The following DCHS1 variants were observed in gnomAD, a reference collection of about 807,000 sequenced individuals.
DCHS1 encodes protocadherin-16.
DCHS1 carries 78 observed loss-of-function variants against 213.9 expected under a neutral mutation model. The observed-to-expected ratio is 0.36, with a 90% confidence interval of 0.30 to 0.44. DCHS1 has a LOEUF of 0.44. Ranked by LOEUF, DCHS1 falls within the 20% of genes least tolerant of loss-of-function variation. The probability of loss-of-function intolerance (pLI) is 1.00; values close to 1 mark genes in which losing one functional copy is unlikely to be tolerated. For synonymous variants in DCHS1, 1,828 were observed against 1,873.7 expected (o/e 0.98, Z 0.63); for missense variants, 3,946 against 4,395.9 (o/e 0.90, Z 2.89).
Position 6,622,638 on chromosome 11 carries a change from G to A in DCHS1, c.9038C>T (p.Pro3013Leu), listed in dbSNP as rs1329238703. The A allele has an allele frequency of 6.3e-7, 1 of 1,588,588 alleles. No homozygotes were observed. The highest frequency in any genetic ancestry group is 8.6e-7 in the Non-Finnish European group (1 of 1,167,832). Residue 3013 changes from proline to leucine, a missense_variant, in exon 21 of 21, where the codon CCA becomes CTA. By Grantham distance (98) the Pro-to-Leu change is moderately conservative. This residue lies in a region of DCHS1 where 554 missense variants were observed against 590.2 expected (regional missense o/e 0.94). Coordinates refer to ENST00000299441, the MANE Select transcript of DCHS1 (RefSeq NM_003737.4). This position sits in a 1 kb window ranked among gnomAD's most constrained non-coding sequence, Gnocchi z 5.4. Reference protein sequence around the residue: ...YHQTLPSYGGPGAGGPYPRGG... With the variant: ...YHQTLPSYGGLGAGGPYPRGG... The stretch of plus-strand genomic sequence containing the variant: ...ACGGGGGTAGGGTCCTCCAGCTCCT[G>A]GCCCACCATAGCTGGGAAGAGTCTG...
Position 6,627,235 on chromosome 11 carries a change from G to T in DCHS1, c.5804C>A (p.Ala1935Glu). 9 of 1,613,054 alleles carry T rather than the reference G, an allele frequency of 5.6e-6. No individual in the cohort carries two copies. Among genetic ancestry groups the T allele is most frequent in the Non-Finnish European group, 7.6e-6 (9 of 1,179,850 alleles). The change falls in exon 14 of 21, where the codon GCA becomes GAA. Residue 1935 changes from alanine (A) to glutamate (E), a missense_variant. Ala to Glu is a moderately radical substitution (Grantham distance 107). Transcript: ENST00000299441. The surrounding 1 kb of genome is among the most constrained non-coding windows in gnomAD (Gnocchi z 5.4). Reference protein sequence around the residue: ...YTFSVSAVDGAAAGPLSTTVS... With the variant: ...YTFSVSAVDGEAAGPLSTTVS... ...TGTGGTGCTTAGGGGCCCAGCAGCT[G>T]CACCATCCACTGCACTCACAGAAAA...
Position 6,622,096 on chromosome 11 carries a change from G to A in DCHS1, c.9580C>T (p.Pro3194Ser). The change falls in exon 21 of 21, where the codon CCC becomes TCC. Residue 3194 changes from proline (P) to serine (S), a missense_variant. Around this residue, in one of 3 missense-constraint regions of DCHS1, gnomAD observed 554 missense variants for 590.2 expected, o/e 0.94. Transcript: ENST00000299441. The surrounding 1 kb of genome is among the most constrained non-coding windows in gnomAD (Gnocchi z 5.4). ...GGTGGGTCGATACGGGGAGCTGGGGGACATGGCCGAGCTTCATCCTTGAGC... is the reference window on the plus strand; with the variant it reads ...GGTGGGTCGATACGGGGAGCTGGGGAACATGGCCGAGCTTCATCCTTGAGC... ...ARLKDEARPC[P>S]PAPRIDPPPL... The A allele has an allele frequency of 6.2e-7, 1 of 1,613,218 alleles. No homozygotes were observed. Among genetic ancestry groups the A allele is most frequent in the Non-Finnish European group, 8.5e-7 (1 of 1,179,816 alleles).
chr11:6,627,574 T>C lies in DCHS1; in HGVS notation c.5465A>G (p.Gln1822Arg). The part of the protein sequence containing the change: ...PLDREVEPAF[Q>R]LRIEARDGGQ... ...TCCATCCCGGGCCTCTATCCTCAGC[T>C]GGAAAGCTGGCTCCACTTCTCTGTC... is the stretch of plus-strand genomic sequence containing the variant. The change falls in exon 14 of 21, where the codon CAG (glutamine) becomes CGG (arginine). Residue 1822 changes from glutamine to arginine, a missense_variant. Physicochemically the swap from Gln to Arg is conservative, Grantham distance 43. Transcript: ENST00000299441. The surrounding 1 kb of genome is among the most constrained non-coding windows in gnomAD (Gnocchi z 5.4). 2.5e-6 allele frequency: 4 copies of C among 1,612,942 alleles called. No individual in the cohort carries two copies. Among genetic ancestry groups the C allele is most frequent in the East Asian group, 2.2e-5 (1 of 44,880 alleles).
In DCHS1 at chr11:6,640,034, G is replaced by A. The variant is rs764080918; in HGVS notation, c.1580C>T (p.Ser527Leu). ...HTHWFSIDPT[S>L]GIITTAASLD... ...TGAGGCAGCCGTAGTGATAATGCCTGAGGTGGGGTCAATGGAGAACCAGTG... is the reference window on the plus strand; with the variant it reads ...TGAGGCAGCCGTAGTGATAATGCCTAAGGTGGGGTCAATGGAGAACCAGTG... The change falls in exon 2 of 21, where the codon TCA becomes TTA. Residue 527 changes from serine (S) to leucine (L), a missense_variant. By Grantham distance (145) the Ser-to-Leu change is moderately radical (BLOSUM62 -2). Around this residue, in one of 3 missense-constraint regions of DCHS1, gnomAD observed 3,384 missense variants for 3,780.1 expected, o/e 0.90. Coordinates refer to ENST00000299441, the MANE Select transcript of DCHS1 (RefSeq NM_003737.4). The surrounding 1 kb of genome is among the most constrained non-coding windows in gnomAD (Gnocchi z 6.5). 6.2e-7 allele frequency: 1 copy of A among 1,613,980 alleles called. No individual in the cohort carries two copies.
At chr11:6,636,052 C>A (rs991584725) in intron 2 of DCHS1, among the ~76,000 whole-genome samples, 1 of 152,196 alleles carries the variant, frequency 6.6e-6, no homozygotes, top group Non-Finnish European at 1.5e-5. Flanking sequence ...CCCATCCCAT[C>A]CCTTGCTCTC....
At position 6,640,664 on chromosome 11, in the gene DCHS1, T is replaced by C; in HGVS notation, c.950A>G (p.Glu317Gly). The C allele has an allele frequency of 6.2e-7, 1 of 1,612,962 alleles. No individual in the cohort carries two copies. The highest frequency in any genetic ancestry group is 1.3e-5 in the African/African-American group (1 of 74,986). ...IDAHTGLLQL[E>G]RPLDFEQRRV... Reference sequence around the variant, plus strand: ...CCGCTGCTCAAAGTCCAGTGGCCGCTCTAACTGCAGCAGCCCCGTGTGTGC... The same window carrying C: ...CCGCTGCTCAAAGTCCAGTGGCCGCCCTAACTGCAGCAGCCCCGTGTGTGC... The change falls in exon 2 of 21, where the codon GAG becomes GGG. Residue 317 changes from glutamate (E) to glycine (G), a missense_variant. Physicochemically the swap from Glu to Gly is moderately conservative, Grantham distance 98. Transcript: ENST00000299441. The surrounding 1 kb of genome is among the most constrained non-coding windows in gnomAD (Gnocchi z 6.5).
Position 6,627,753 on chromosome 11 carries a change from G to A in DCHS1, c.5372-86C>T. On this transcript the variant is annotated intron_variant, in intron 13 of 20. Coordinates refer to ENST00000299441, the MANE Select transcript of DCHS1 (RefSeq NM_003737.4). This position sits in a 1 kb window ranked among gnomAD's most constrained non-coding sequence, Gnocchi z 5.4. ...AGACAACAGGAGAGAGTGAGCATGT[G>A]CACAAAAGCAAGTGAACCTTATGAG... 1 of 1,405,344 alleles carries A rather than the reference G, an allele frequency of 7.1e-7. No individual in the cohort carries two copies. Among genetic ancestry groups the A allele is most frequent in the Non-Finnish European group, 9.6e-7 (1 of 1,045,254 alleles). The allele number at this position is 1,405,344 out of a possible 1,614,324, so 87.1% of individuals were successfully genotyped here. A position where few individuals can be genotyped will look rare whatever the true frequency, so the allele number is the denominator to read the frequency against.
rs2134632389 is a variant in DCHS1, at chr11:6,633,073, A to G, written c.2456-17T>C. ...CCAAGCGACCTAGGGAGGATGAAAA[A>G]GGGATCAGGAAAGAGATGGAGGGGC... On this transcript the variant is annotated splice_polypyrimidine_tract_variant and intron_variant, in intron 5 of 20. Transcript: ENST00000299441. 1.3e-6 allele frequency: 2 copies of G among 1,577,570 alleles called. No individual in the cohort carries two copies. The highest frequency in any genetic ancestry group is 1.7e-6 in the Non-Finnish European group (2 of 1,158,198).
At position 6,641,757 on chromosome 11, in the gene DCHS1, G is replaced by A; in HGVS notation, c.-120-24C>T. ...ACCTGGGAGAAAACAGAAGGAAACG[G>A]GTCATGACAGAGGAGGGATCAGCAG... On this transcript the variant is annotated intron_variant, in intron 1 of 20. Coordinates refer to ENST00000299441, the MANE Select transcript of DCHS1 (RefSeq NM_003737.4). This position sits in a 1 kb window ranked among gnomAD's most constrained non-coding sequence, Gnocchi z 7.1. 14 of 1,432,368 alleles carry A rather than the reference G, an allele frequency of 9.8e-6. No individual in the cohort carries two copies. Among genetic ancestry groups the A allele is most frequent in the South Asian group, 9.0e-5 (6 of 66,752 alleles). 88.7% of individuals were successfully genotyped at this position (1,432,368 alleles called of 1,614,324 possible).
rs1474237517 is a variant in DCHS1, at chr11:6,640,648, A to C, written c.966T>G (p.Phe322Leu). The C allele has an allele frequency of 1.9e-6, 3 of 1,612,566 alleles. No homozygotes were observed. The East Asian group carries it at 6.7e-5, about 36-fold the overall frequency. ...GLLQLERPLD[F>L]EQRRVHELVV... ...CCAGTTCATGGACCCGCCGCTGCTC[A>C]AAGTCCAGTGGCCGCTCTAACTGCA... Residue 322 changes from phenylalanine (F) to leucine (L), a missense_variant, in exon 2 of 21, where the codon TTT (phenylalanine) becomes TTG (leucine). Phe to Leu is a conservative substitution (Grantham distance 22). Coordinates refer to ENST00000299441, the MANE Select transcript of DCHS1 (RefSeq NM_003737.4). This position sits in a 1 kb window ranked among gnomAD's most constrained non-coding sequence, Gnocchi z 6.5.
In DCHS1 at chr11:6,640,410, T is replaced by G. The variant is rs1856051206; in HGVS notation, c.1204A>C (p.Asn402His). The change falls in exon 2 of 21, where the codon AAT becomes CAT. Residue 402 changes from asparagine (N) to histidine (H), a missense_variant. Physicochemically the swap from Asn to His is moderately conservative, Grantham distance 68 (BLOSUM62 1). Coordinates refer to ENST00000299441, the MANE Select transcript of DCHS1 (RefSeq NM_003737.4). The surrounding 1 kb of genome is among the most constrained non-coding windows in gnomAD (Gnocchi z 6.5). Reference protein sequence around the residue: ...DPDDGDFAHVNVSLEGGEGHF... With the variant: ...DPDDGDFAHVHVSLEGGEGHF... ...CCCTCTCCACCTTCCAGGGACACAT[T>G]GACATGGGCAAAGTCACCATCATCT... is the stretch of plus-strand genomic sequence containing the variant. 1.2e-6 allele frequency: 2 copies of G among 1,613,822 alleles called. No individual in the cohort carries two copies. Among genetic ancestry groups the G allele is most frequent in the Admixed American group, 1.7e-5 (1 of 60,002 alleles).
In DCHS1 at chr11:6,622,793, A is replaced by T; in HGVS notation, c.8883T>A (p.Val2961=). 1 of 1,593,708 alleles carries T rather than the reference A, an allele frequency of 6.3e-7. No homozygotes were observed. Among genetic ancestry groups the T allele is most frequent in the South Asian group, 1.1e-5 (1 of 87,816 alleles). ...CCTCAGCCTTGCGGCTACGGGCCCG[A>T]ACAAGTCCTAGGACCAGGGCTGCCA... The part of the protein sequence containing the change: ...LALAALVLGL[V]RARSRKAEAA... The change falls in exon 21 of 21, where the codon GTT becomes GTA. Residue 2961 remains valine, a synonymous_variant. Coordinates refer to ENST00000299441, the MANE Select transcript of DCHS1 (RefSeq NM_003737.4). The surrounding 1 kb of genome is among the most constrained non-coding windows in gnomAD (Gnocchi z 5.4).
Position 6,641,514 on chromosome 11 carries a change from C to CCAGCAGCAG in DCHS1, c.91_99dup (p.Leu31_Leu33dup), listed in dbSNP as rs72555381. 5 of 1,551,224 alleles carry CCAGCAGCAG rather than the reference C, an allele frequency of 3.2e-6. No homozygotes were observed. The highest frequency in any genetic ancestry group is 2.4e-5 in the South Asian group (2 of 84,272). On this transcript the variant is annotated inframe_insertion, in exon 2 of 21. Transcript: ENST00000299441. This position sits in a 1 kb window ranked among gnomAD's most constrained non-coding sequence, Gnocchi z 7.1. ...CCCCAGGCACCTGGCACCCCAGCCCCCAGCAGCAGCAGCAGCAGCAGCAGC... is the reference window on the plus strand; with the variant it reads ...CCCCAGGCACCTGGCACCCCAGCCCCCAGCAGCAGCAGCAGCAGCAGCAGCAGCAGCAGC...
At chr11:6,645,352 A>C (rs1027060860) in intron 1 of DCHS1, among the ~76,000 whole-genome samples, 1 of 152,206 alleles carries the variant, frequency 6.6e-6, no homozygotes, top group Admixed American at 6.5e-5. Context: ...CTAAGCCCAA[A>C]GGCTGGGCTA....
Position 6,632,143 on chromosome 11 carries a change from G to T in DCHS1, c.3369C>A (p.Ser1123Arg). 1 of 1,587,234 alleles carries T rather than the reference G, an allele frequency of 6.3e-7. No homozygotes were observed. The highest frequency in any genetic ancestry group is 8.6e-7 in the Non-Finnish European group (1 of 1,163,282). Reference sequence around the variant, plus strand: ...GGTCAGTGGCAAAGACTCGGCCCACGCTGGTCCCTGGGGGCTGGTTCTCAG... The same window carrying T: ...GGTCAGTGGCAAAGACTCGGCCCACTCTGGTCCCTGGGGGCTGGTTCTCAG... ...AVAENQPPGT[S>R]VGRVFATDRD... Residue 1123 changes from serine (S) to arginine (R), a missense_variant, in exon 6 of 21, where the codon AGC (serine) becomes AGA (arginine). Physicochemically the swap from Ser to Arg is moderately radical, Grantham distance 110 (BLOSUM62 -1). Transcript: ENST00000299441. This position sits in a 1 kb window ranked among gnomAD's most constrained non-coding sequence, Gnocchi z 5.9.
chr11:6,638,892 C>A (rs953609768), intron 2 of DCHS1, among the ~76,000 whole-genome samples: 2 of 152,184 alleles, frequency 1.3e-5, no homozygotes, highest in Admixed American at 6.5e-5. Flanking sequence ...ATTCAGTGAT[C>A]TCCTCGAGGG....
intron 2 of DCHS1, among the ~76,000 whole-genome samples, chr11:6,637,785 A>G (rs2134639776): frequency 6.6e-6 from 1 of 152,244 alleles, no homozygotes; most frequent in South Asian, 2.1e-4. Flanking sequence ...TTCTTTGCAC[A>G]TGAATCTCCC....
In DCHS1 at chr11:6,625,877, C is replaced by G; in HGVS notation, c.6731+43G>C. On this transcript the variant is annotated intron_variant, in intron 17 of 20. Coordinates refer to ENST00000299441, the MANE Select transcript of DCHS1 (RefSeq NM_003737.4). The surrounding 1 kb of genome is among the most constrained non-coding windows in gnomAD (Gnocchi z 5.3). The stretch of plus-strand genomic sequence containing the variant: ...GTTCAAGGCAGGGCTTGAAACTGGA[C>G]AGGCCCAAGATGGGGTCTTGGGTCC... 1 of 1,604,156 alleles carries G rather than the reference C, an allele frequency of 6.2e-7. No individual in the cohort carries two copies. Among genetic ancestry groups the G allele is most frequent in the Non-Finnish European group, 8.5e-7 (1 of 1,175,476 alleles).
chr11:6,629,318 G>T (rs1296194540), intron 12 of DCHS1, 134 bp downstream of exon 12: 3 of 1,280,478 alleles, frequency 2.3e-6, no homozygotes, highest in Middle Eastern at 2.6e-4. Flanking sequence ...TCCCCAAAAG[G>T]GTCCAAAAAC....
Sources: allele counts gnomAD v4.1 joint callset (sites outside exome capture counted in the v4.1 genomes callset), GRCh38; gene constraint gnomAD v4.1.1; regional missense constraint gnomAD v4.1.1; non-coding constraint Gnocchi (gnomAD v3.1); transcripts MANE v1.5; gene names NCBI Gene and HGNC (gene_info 2026-07-23, HGNC 2026-07-21).